The following FNIP2 variants were observed in gnomAD, a reference collection of about 807,000 sequenced individuals.
FNIP2 encodes the protein folliculin-interacting protein 2.
In FNIP2, 32 loss-of-function variants were observed where a neutral mutation model predicts 108.7. That is an observed-to-expected ratio of 0.29 (90% CI 0.22 to 0.40). The LOEUF (loss-of-function observed/expected upper bound fraction) is 0.40. Ranked by LOEUF, FNIP2 falls within the 10% of genes least tolerant of loss-of-function variation. FNIP2 has a pLI of 1.00. For missense variants in FNIP2, 1,202 were observed against 1,381.6 expected (o/e 0.87, Z 2.06); for synonymous variants, 480 against 496.7 (o/e 0.97, Z 0.45).
At chr4:158,865,168 T>G (rs1228069667) in intron 12 of FNIP2, among the ~76,000 whole-genome samples, 1 of 152,244 alleles carries the variant, frequency 6.6e-6, no homozygotes, top group Non-Finnish European at 1.5e-5. Context: ...ATTTTTATTT[T>G]TAATTGAGGT....
rs2126772702 is a variant in FNIP2, at chr4:158,892,438, A to G, written c.3150+792A>G. Among the ~76,000 whole-genome samples the G allele has an allele frequency of 2.0e-5, 3 of 152,366 alleles. 1 individual carries two copies. The South Asian group carries it at 6.2e-4, about 32-fold the overall frequency. Reference sequence around the variant, plus strand: ...TAACAATACTTTAAATACAAACAACAGACAGAGCCTATACACTCTTAGAAA... The same window carrying G: ...TAACAATACTTTAAATACAAACAACGGACAGAGCCTATACACTCTTAGAAA... On this transcript the variant is annotated intron_variant, in intron 15 of 16. Transcript: ENST00000264433.
chr4:158,815,384 C>CTTTT lies in FNIP2; in HGVS notation c.108-10519_108-10516dup, dbSNP rs58702187. ...GCTTTCTTTTTCATCAGTAATCCAG[C>CTTTT]TTTTTTTTTTTTTTTTGAGACGGAG... On this transcript the variant is annotated intron_variant, in intron 1 of 16. Coordinates refer to ENST00000264433, the MANE Select transcript of FNIP2 (RefSeq NM_020840.3). 1.8e-3 allele frequency among the ~76,000 whole-genome samples: 244 copies of CTTTT among 137,446 alleles called. 1 individual carries two copies. The highest frequency in any genetic ancestry group is 6.4e-3 in the African/African-American group (238 of 37,170). The allele number at this position is 137,446 out of a possible 152,430, so 90.2% of individuals were successfully genotyped here. A position where few individuals can be genotyped will look rare whatever the true frequency, so the allele number is the denominator to read the frequency against.
chr4:158,848,399 GCA>G (rs1450174902), intron 7 of FNIP2, among the ~76,000 whole-genome samples: 1 of 152,202 alleles, frequency 6.6e-6, no homozygotes, highest in Admixed American at 6.5e-5. Flanking sequence ...GCCAAGGGGA[GCA>G]CAGTGTCAGC....
chr4:158,796,157 T>C (rs1160475856), intron 1 of FNIP2: 3 of 152,148 alleles, frequency 2.0e-5, no homozygotes, highest in Non-Finnish European at 4.4e-5. Context: ...TGAAACGTTT[T>C]CGGAAAGGGA....
intron 1 of FNIP2, among the ~76,000 whole-genome samples, chr4:158,774,787 A>G (rs1243477385): frequency 1.3e-5 from 2 of 152,216 alleles, no homozygotes; most frequent in Non-Finnish European, 2.9e-5. Context: ...AAATATGTTT[A>G]GAAAAGACTG....
At chr4:158,815,192 C>T (rs1223742190) in intron 1 of FNIP2, among the ~76,000 whole-genome samples, 1 of 152,152 alleles carries the variant, frequency 6.6e-6, no homozygotes, top group African/African-American at 2.4e-5. Flanking sequence ...TTAGGTAACT[C>T]ACCAAAGTTA....
chr4:158,856,438 A>C (rs11734969), intron 8 of FNIP2, among the ~76,000 whole-genome samples: 57,079 of 152,006 alleles, frequency 0.38, 11,019 homozygotes, highest in Middle Eastern at 0.43. Flanking sequence ...TATATAAATG[A>C]TTATCGATAA....
At chr4:158,875,106 AGAAAG>A (rs1781193275) in intron 14 of FNIP2, among the ~76,000 whole-genome samples, 2 of 151,984 alleles carry the variant, frequency 1.3e-5, no homozygotes, top group South Asian at 2.1e-4. Context: ...AAAAAAGAAA[AGAAAG>A]AGAAAAGAAA....
chr4:158,787,195 C>T (rs558550235), intron 1 of FNIP2, among the ~76,000 whole-genome samples: 1 of 152,192 alleles, frequency 6.6e-6, no homozygotes, highest in South Asian at 2.1e-4. Flanking sequence ...TTGGCAAATA[C>T]AAAGATTTGT....
intron 1 of FNIP2, among the ~76,000 whole-genome samples, chr4:158,797,937 C>T (rs1336689983): frequency 6.6e-6 from 1 of 152,230 alleles, no homozygotes; most frequent in Non-Finnish European, 1.5e-5. Flanking sequence ...GTTACTCCAT[C>T]ACCACATCTG....
At chr4:158,792,682 T>C (rs1460165470) in intron 1 of FNIP2, among the ~76,000 whole-genome samples, 1 of 152,238 alleles carries the variant, frequency 6.6e-6, no homozygotes, top group African/African-American at 2.4e-5. Context: ...TAACCCTTTA[T>C]TTCCCCCTAG....
chr4:158,786,448 C>T (rs973379240), intron 1 of FNIP2, among the ~76,000 whole-genome samples: 7 of 152,156 alleles, frequency 4.6e-5, no homozygotes, highest in African/African-American at 1.7e-4. Context: ...TTTGGTGTCT[C>T]ATGGCCAGAG....
chr4:158,885,680 T>C (rs1248027087), intron 14 of FNIP2, among the ~76,000 whole-genome samples: 1 of 152,182 alleles, frequency 6.6e-6, no homozygotes, highest in African/African-American at 2.4e-5. Flanking sequence ...ACAGAAAACT[T>C]GTGCTTTAAA....
rs751378191 is a variant in FNIP2 at position 158,835,486 on chromosome 4, C to T, written c.727+10C>T. ...GGCATTGCTCGATCAGGTACTTGTACTCTGTTTATTGGTTTAACTAACAGA... is the reference window on the plus strand; with the variant it reads ...GGCATTGCTCGATCAGGTACTTGTATTCTGTTTATTGGTTTAACTAACAGA... On this transcript the variant is annotated intron_variant, in intron 7 of 16. Coordinates refer to ENST00000264433, the MANE Select transcript of FNIP2 (RefSeq NM_020840.3). 1.9e-6 allele frequency: 3 copies of T among 1,610,280 alleles called. No homozygotes were observed. The highest frequency in any genetic ancestry group is 1.1e-5 in the South Asian group (1 of 91,004).
chr4:158,804,428 T>TTTTTTG (rs1450755540), intron 1 of FNIP2, among the ~76,000 whole-genome samples: 2 of 151,420 alleles, frequency 1.3e-5, no homozygotes, highest in East Asian at 3.9e-4. Flanking sequence ...TTTTTTTTTT[T>TTTTTTG]TTGGACACAG....
intron 14 of FNIP2, among the ~76,000 whole-genome samples, chr4:158,881,417 TCCCTCTCTTTCCA>T (rs1781609817): frequency 4.4e-5 from 1 of 22,808 alleles, no homozygotes; most frequent in Non-Finnish European, 1.0e-4. Context: ...GGTCTCCCTC[TCCCTCTCTTTCCA>T]CGGTCTCCCT....
At chr4:158,883,011 GAA>G (rs1451502228) in intron 14 of FNIP2, among the ~76,000 whole-genome samples, 5 of 146,152 alleles carry the variant, frequency 3.4e-5, no homozygotes, top group Admixed American at 3.4e-4. Context: ...AAAAAGCAAA[GAA>G]AAATTTATAT....
chr4:158,798,878 C>A (rs1175102205), intron 1 of FNIP2, among the ~76,000 whole-genome samples: 1 of 152,108 alleles, frequency 6.6e-6, no homozygotes, highest in Admixed American at 6.6e-5. Flanking sequence ...TTTACAGTAG[C>A]CTGAATGAAT....
At chr4:158,880,811 G>A (rs1021939257) in intron 14 of FNIP2, among the ~76,000 whole-genome samples, 7 of 152,158 alleles carry the variant, frequency 4.6e-5, no homozygotes, top group South Asian at 2.1e-4. Context: ...GGACGACCTT[G>A]TATGGTCTGA....
Sources: gnomAD v4.1 joint callset for allele counts (sites outside exome capture counted in the v4.1 genomes callset) on GRCh38, gnomAD v4.1.1 for gene constraint, MANE v1.5 for transcripts, NCBI Gene and HGNC (gene_info 2026-07-23, HGNC 2026-07-21) for gene names.